AAK1: variants seen among roughly 807,000 people sequenced by gnomAD.
AAK1 encodes the protein AP2 associated kinase 1.
AAK1 carries 37 observed loss-of-function variants against 116.0 expected under a neutral mutation model. That is an observed-to-expected ratio of 0.32 (90% CI 0.25 to 0.42). AAK1 has a LOEUF of 0.42. Among genes scored for constraint, AAK1 ranks in the 10% least tolerant of loss-of-function variants. The pLI, the probability that AAK1 is intolerant of heterozygous loss-of-function variation, is 1.00. For missense variants in AAK1, 919 were observed against 1,170.6 expected (o/e 0.79, Z 3.14); for synonymous variants, 458 against 439.9 (o/e 1.04, Z -0.51).
chr2:69,559,296 A>T lies in AAK1; in HGVS notation c.164-2318T>A, dbSNP rs867565147. On this transcript the variant is annotated intron_variant, in intron 2 of 21. Coordinates refer to ENST00000409085, the MANE Select transcript of AAK1 (RefSeq NM_014911.5). Reference sequence around the variant, plus strand: ...CACACACACACACACACACACACACACACTCTCTCTCTCCTCAATTCTAAA... The same window carrying T: ...CACACACACACACACACACACACACTCACTCTCTCTCTCCTCAATTCTAAA... Among the ~76,000 whole-genome samples, 293 of 129,168 alleles carry T rather than the reference A, an allele frequency of 2.3e-3. 2 individuals are homozygous for T. The highest frequency in any genetic ancestry group is 8.5e-3 in the African/African-American group (284 of 33,242). The allele number at this position is 129,168 out of a possible 152,430, so 84.7% of individuals were successfully genotyped here. A position where few individuals can be genotyped will look rare whatever the true frequency, so the allele number is the denominator to read the frequency against.
intron 2 of AAK1, among the ~76,000 whole-genome samples, chr2:69,632,839 C>T (rs1252789257): frequency 4.6e-5 from 7 of 152,066 alleles, no homozygotes; most frequent in African/African-American, 1.7e-4. Context: ...CGAGACCGTC[C>T]TGGCTATCAC....
intron 16 of AAK1, chr2:69,499,927 T>C (rs1484627839): frequency 6.6e-6 from 1 of 152,220 alleles, no homozygotes; most frequent in Non-Finnish European, 1.5e-5. Flanking sequence ...CACATTTTTA[T>C]AAATGAACAT....
intron 5 of AAK1, among the ~76,000 whole-genome samples, chr2:69,541,113 G>A (rs1670698142): frequency 6.6e-6 from 1 of 152,074 alleles, no homozygotes. Flanking sequence ...ACAGAATAGG[G>A]ACTGCTAATG....
chr2:69,580,556 G>A (rs957724275), intron 2 of AAK1, among the ~76,000 whole-genome samples: 2 of 152,108 alleles, frequency 1.3e-5, no homozygotes, highest in African/African-American at 4.8e-5. Flanking sequence ...ATGAGAGAGA[G>A]AGAAACACTC....
At chr2:69,538,634 C>A (rs1367936143) in intron 5 of AAK1, among the ~76,000 whole-genome samples, 2 of 152,210 alleles carry the variant, frequency 1.3e-5, no homozygotes, top group Non-Finnish European at 2.9e-5. Context: ...ATAATCCCAG[C>A]ACTTTGGGAG....
At chr2:69,505,224 C>T (rs1034732597) in intron 16 of AAK1, among the ~76,000 whole-genome samples, 4 of 151,868 alleles carry the variant, frequency 2.6e-5, no homozygotes, top group African/African-American at 9.7e-5. Flanking sequence ...TCTCAGAAAC[C>T]TAAGAAATTA....
At chr2:69,640,041 A>ACT (rs1290367504) in intron 2 of AAK1, among the ~76,000 whole-genome samples, 4 of 143,850 alleles carry the variant, frequency 2.8e-5, no homozygotes, top group African/African-American at 1.1e-4. Context: ...ACACACACAC[A>ACT]CACACACACA....
At chr2:69,518,118 C>A (rs1240890490) in intron 12 of AAK1, among the ~76,000 whole-genome samples, 3 of 151,858 alleles carry the variant, frequency 2.0e-5, no homozygotes, top group Non-Finnish European at 4.4e-5. Flanking sequence ...CAAGACCATA[C>A]CTCCAAAAAA....
intron 12 of AAK1, among the ~76,000 whole-genome samples, 177 bp downstream of exon 12, chr2:69,518,777 T>C (rs1321508684): frequency 6.6e-6 from 1 of 151,988 alleles, no homozygotes; most frequent in African/African-American, 2.4e-5. Context: ...ATGGCCTGAG[T>C]AAAAGGGTGA....
chr2:69,466,687 A>G lies in AAK1; in HGVS notation c.*9182T>C. On this transcript the variant is annotated 3_prime_UTR_variant, in exon 22 of 22. Transcript: ENST00000409085. ...AAAATGCAACAGGAAAAACATAAAA[A>G]TAAAAGTCAGGCAAGGAAACTGCAC... 9.0e-7 allele frequency: 1 copy of G among 1,113,352 alleles called. No homozygotes were observed. Among genetic ancestry groups the G allele is most frequent in the South Asian group, 2.2e-5 (1 of 46,054 alleles). The allele number at this position is 1,113,352 out of a possible 1,614,324, so 69.0% of individuals were successfully genotyped here.
In AAK1 at chr2:69,643,567, G is replaced by A. The variant is rs1675854722; in HGVS notation, c.-235+8C>T. 3 of 1,228,268 alleles carry A rather than the reference G, an allele frequency of 2.4e-6. No homozygotes were observed. Among genetic ancestry groups the A allele is most frequent in the Non-Finnish European group, 3.0e-6 (3 of 986,054 alleles). 76.1% of individuals were successfully genotyped at this position (1,228,268 alleles called of 1,614,324 possible). ...CGCCCCTCGAGGCGGCATCCTGGCA[G>A]CACCCACTTGAGACGGCTCGGCGGC... On this transcript the variant is annotated splice_region_variant and intron_variant, in intron 1 of 21. Transcript: ENST00000409085.
chr2:69,477,119 T>C, intron 20 of AAK1, 129 bp from the exon 21 acceptor site: 1 of 557,840 alleles, frequency 1.8e-6, no homozygotes, highest in South Asian at 3.4e-5. Context: ...AGGATTTATC[T>C]TTCTGAGTTG....
At chr2:69,596,647 T>C (rs1348112269) in intron 2 of AAK1, among the ~76,000 whole-genome samples, 4 of 152,364 alleles carry the variant, frequency 2.6e-5, no homozygotes, top group African/African-American at 7.2e-5. Context: ...GGACTCACCA[T>C]CTTAGATATT....
In AAK1 at chr2:69,470,509, C is replaced by A. The variant is rs1456683842; in HGVS notation, c.*5360G>T. 1.0e-6 allele frequency: 1 copy of A among 985,296 alleles called. No homozygotes were observed. The highest frequency in any genetic ancestry group is 1.2e-6 in the Non-Finnish European group (1 of 829,936). 61.0% of individuals were successfully genotyped at this position (985,296 alleles called of 1,614,324 possible). A position where few individuals can be genotyped will look rare whatever the true frequency, so the allele number is the denominator to read the frequency against. ...GGGACCTCATGGAAGCCAAAAATGG[C>A]CAGCTGTGCCTCTCAGGCCAATGAG... On this transcript the variant is annotated 3_prime_UTR_variant, in exon 22 of 22. Coordinates refer to ENST00000409085, the MANE Select transcript of AAK1 (RefSeq NM_014911.5).
At chr2:69,640,832 G>A (rs1479404435) in intron 2 of AAK1, among the ~76,000 whole-genome samples, 1 of 152,052 alleles carries the variant, frequency 6.6e-6, no homozygotes, top group African/African-American at 2.4e-5. Flanking sequence ...TAAAACTGGG[G>A]GCCACTGCAC....
chr2:69,609,177 C>T (rs1184598175), intron 2 of AAK1, among the ~76,000 whole-genome samples: 1 of 152,066 alleles, frequency 6.6e-6, no homozygotes, highest in Non-Finnish European at 1.5e-5. Context: ...GCCTGGCCAA[C>T]ATAGTGGAAC....
chr2:69,482,765 G>A lies in AAK1; in HGVS notation c.2413C>T (p.Pro805Ser). 1 of 1,613,836 alleles carries A rather than the reference G, an allele frequency of 6.2e-7. No individual in the cohort carries two copies. Among genetic ancestry groups the A allele is most frequent in the Non-Finnish European group, 8.5e-7 (1 of 1,179,762 alleles). The change falls in exon 18 of 22, where the codon CCT becomes TCT. Residue 805 changes from proline (P) to serine (S), a missense_variant. Transcript: ENST00000409085. ...LKSPDTSLLLPDLLPMTDPFG... is the reference protein window; with the variant it reads ...LKSPDTSLLLSDLLPMTDPFG... ...GGATCTGTCATAGGCAAGAGGTCAG[G>A]GAGCAGAAGAGAAGTGTCAGGAGAT...
At position 69,480,914 on chromosome 2, in the gene AAK1, G is replaced by C; in HGVS notation, c.2515C>G (p.Pro839Ala). ...VESLIPGLEP[P>A]VPQRLPSQTE... ...TGAGATGGGAGGCGCTGGGGAACTG[G>C]GGGCTCCAGTCCTGGTATGAGACTC... Residue 839 changes from proline (P) to alanine (A), a missense_variant, in exon 19 of 22, where the codon CCA (proline) becomes GCA (alanine). Physicochemically the swap from Pro to Ala is conservative, Grantham distance 27. Coordinates refer to ENST00000409085, the MANE Select transcript of AAK1 (RefSeq NM_014911.5). The C allele has an allele frequency of 1.2e-6, 2 of 1,607,634 alleles. No homozygotes were observed. The highest frequency in any genetic ancestry group is 8.5e-7 in the Non-Finnish European group (1 of 1,177,620).
intron 2 of AAK1, among the ~76,000 whole-genome samples, chr2:69,579,701 C>A (rs889496641): frequency 6.6e-6 from 1 of 152,180 alleles, no homozygotes. Context: ...TAGAGTTGTT[C>A]GTCTTCCTCC....
Sources: gnomAD v4.1 joint callset for allele counts (sites outside exome capture counted in the v4.1 genomes callset) on GRCh38, gnomAD v4.1.1 for gene constraint, MANE v1.5 for transcripts, NCBI Gene and HGNC (gene_info 2026-07-23, HGNC 2026-07-21) for gene names.